Variants in PLK1 observed in about 807,000 individuals in gnomAD.
PLK1 encodes the protein serine/threonine-protein kinase PLK1.
PLK1 carries 6 observed loss-of-function variants against 56.7 expected under a neutral mutation model. That is an observed-to-expected ratio of 0.11 (90% CI 0.06 to 0.21). The LOEUF (loss-of-function observed/expected upper bound fraction) is 0.21. PLK1 is among the 10% of genes least tolerant of loss of function. The probability of loss-of-function intolerance (pLI) is 1.00; values close to 1 mark genes in which losing one functional copy is unlikely to be tolerated. For missense variants in PLK1, 546 were observed against 814.4 expected (o/e 0.67, Z 4.01); for synonymous variants, 298 against 325.0 (o/e 0.92, Z 0.89).
rs758245822 is a variant in PLK1, at chr16:23,689,447, G to C, written c.1426-47G>C. 1 of 1,600,758 alleles carries C rather than the reference G, an allele frequency of 6.2e-7. No individual in the cohort carries two copies. On this transcript the variant is annotated intron_variant, in intron 8 of 9. Transcript: ENST00000300093. This position sits in a 1 kb window ranked among gnomAD's most constrained non-coding sequence, Gnocchi z 4.8. ...TGTTGCAGAAGTGGGACCTGTGCTGGAGGATCAGACTCTAATTCTGGAACC... is the reference window on the plus strand; with the variant it reads ...TGTTGCAGAAGTGGGACCTGTGCTGCAGGATCAGACTCTAATTCTGGAACC...
In PLK1 at chr16:23,689,228, C is replaced by G. The variant is rs373543809; in HGVS notation, c.1271-10C>G. ...CCCCCTTTCTGAGACCTCTCTCCACCGATCCCTAGGGTATCAGCTCTGTGA... is the reference window on the plus strand; with the variant it reads ...CCCCCTTTCTGAGACCTCTCTCCACGGATCCCTAGGGTATCAGCTCTGTGA... On this transcript the variant is annotated splice_polypyrimidine_tract_variant and intron_variant, in intron 7 of 9. Coordinates refer to ENST00000300093, the MANE Select transcript of PLK1 (RefSeq NM_005030.6). The surrounding 1 kb of genome is among the most constrained non-coding windows in gnomAD (Gnocchi z 4.8). 10 of 1,599,702 alleles carry G rather than the reference C, an allele frequency of 6.3e-6. No individual in the cohort carries two copies. The East Asian group carries it at 2.2e-4, about 36-fold the overall frequency.
chr16:23,682,061 C>T lies in PLK1; in HGVS notation c.723-3C>T. 1.3e-6 allele frequency: 2 copies of T among 1,535,612 alleles called. No homozygotes were observed. Among genetic ancestry groups the T allele is most frequent in the Non-Finnish European group, 1.8e-6 (2 of 1,108,864 alleles). On this transcript the variant is annotated splice_region_variant and splice_polypyrimidine_tract_variant and intron_variant, in intron 3 of 9. Coordinates refer to ENST00000300093, the MANE Select transcript of PLK1 (RefSeq NM_005030.6). ...GGTGCCAAATCCTACCTTGTGCTTA[C>T]AGGTATACCTTGTTAGTGGGCAAAC...
rs1178070119 is a variant in PLK1 at position 23,683,872 on chromosome 16, C to T, written c.819C>T (p.His273=). Residue 273 remains histidine (H), a splice_region_variant and synonymous_variant, in exon 5 of 10, where the codon CAC becomes CAT. Transcript: ENST00000300093. ...GGCTGTCCCTCTCTCTGCCCCAGCA[C>T]ATCAACCCCGTGGCCGCCTCCCTCA... ...IKKNEYSIPK[H]INPVAASLIQ... is the part of the protein sequence containing the mutation. The T allele has an allele frequency of 1.9e-6, 3 of 1,613,308 alleles. No individual in the cohort carries two copies. Among genetic ancestry groups the T allele is most frequent in the Non-Finnish European group, 2.5e-6 (3 of 1,179,260 alleles).
chr16:23,679,398 C>T, intron 1 of PLK1, 58 bp downstream of exon 1: 2 of 1,499,148 alleles, frequency 1.3e-6, no homozygotes, highest in South Asian at 1.2e-5. Flanking sequence ...GCGCCCAGAC[C>T]TGGAGCTGCT....
rs897794862 is a variant in PLK1 at position 23,687,348 on chromosome 16, G to A, written c.1037-121G>A. On this transcript the variant is annotated intron_variant, in intron 5 of 9. Coordinates refer to ENST00000300093, the MANE Select transcript of PLK1 (RefSeq NM_005030.6). ...TGGCAGCTGCTGCTCTAGTAACCAG[G>A]CACTGATTCAGTTTCCCCAAAGCAG... The A allele has an allele frequency of 8.0e-6, 6 of 749,182 alleles. No individual in the cohort carries two copies. In the African/African-American group the frequency reaches 9.0e-5, roughly 11 times the overall value. 46.4% of individuals were successfully genotyped at this position (749,182 alleles called of 1,614,324 possible).
chr16:23,687,419 A>G (rs779159972), intron 5 of PLK1, 50 bp from the exon 6 acceptor site: 6 of 1,428,952 alleles, frequency 4.2e-6, no homozygotes, highest in Non-Finnish European at 5.6e-6. Context: ...CAGCTGTGGC[A>G]GGGGAGTCCC....
intron 5 of PLK1, 122 bp downstream of exon 5, chr16:23,684,211 T>G: frequency 2.8e-6 from 2 of 714,138 alleles, no homozygotes; most frequent in Non-Finnish European, 4.8e-6. Context: ...CCTCTGTCCT[T>G]CAATCCGTGG....
In PLK1 at chr16:23,679,300, A is replaced by G. The variant is rs1391027910; in HGVS notation, c.368A>G (p.Asn123Ser). 2.5e-6 allele frequency: 4 copies of G among 1,613,654 alleles called. No individual in the cohort carries two copies. The highest frequency in any genetic ancestry group is 4.5e-5 in the East Asian group (2 of 44,870). Residue 123 changes from asparagine (N) to serine (S), a missense_variant, in exon 1 of 10, where the codon AAC becomes AGC. Asn to Ser is a conservative substitution (Grantham distance 46). Coordinates refer to ENST00000300093, the MANE Select transcript of PLK1 (RefSeq NM_005030.6). ...VVGFHGFFED[N>S]DFVFVVLELC... ...GGATTCCACGGCTTTTTCGAGGACA[A>G]CGACTTCGTGTTCGTGGTGTTGGAG...
chr16:23,685,707 C>T (rs370221185), intron 5 of PLK1, among the ~76,000 whole-genome samples: 1 of 129,668 alleles, frequency 7.7e-6, no homozygotes, highest in East Asian at 2.2e-4. Context: ...GACTCTGTCT[C>T]AAAAAAAAAA....
rs112964547 is a variant in PLK1, at chr16:23,688,910, C to CTTT, written c.1270+174_1270+176dup. Among the ~76,000 whole-genome samples, 221 of 147,502 alleles carry CTTT rather than the reference C, an allele frequency of 1.5e-3. 1 individual carries two copies. The highest frequency in any genetic ancestry group is 4.7e-3 in the African/African-American group (190 of 40,270). On this transcript the variant is annotated intron_variant, in intron 7 of 9. Coordinates refer to ENST00000300093, the MANE Select transcript of PLK1 (RefSeq NM_005030.6). ...CTCCCAGTGCTCCCTGACTCCCCAG[C>CTTT]TTTTTTTTTTTCCAGAGACAGGGTC...
Position 23,687,621 on chromosome 16 carries a change from C to G in PLK1, c.1189C>G (p.Gln397Glu). Reference sequence around the variant, plus strand: ...GCCCTCGGAGCGTGGGCTGGTCAGGCAAGGTGGGTACTGCGGGGCCCTGGG... The same window carrying G: ...GCCCTCGGAGCGTGGGCTGGTCAGGGAAGGTGGGTACTGCGGGGCCCTGGG... ...SKPSERGLVR[Q>E]EEAEDPACIP... Residue 397 changes from glutamine (Q) to glutamate (E), a missense_variant, in exon 6 of 10, where the codon CAA (glutamine) becomes GAA (glutamate). Physicochemically the swap from Gln to Glu is conservative, Grantham distance 29. Coordinates refer to ENST00000300093, the MANE Select transcript of PLK1 (RefSeq NM_005030.6). 1 of 1,570,846 alleles carries G rather than the reference C, an allele frequency of 6.4e-7. No individual in the cohort carries two copies. The highest frequency in any genetic ancestry group is 8.7e-7 in the Non-Finnish European group (1 of 1,151,478).
intron 5 of PLK1, among the ~76,000 whole-genome samples, chr16:23,685,800 G>A (rs546283896): frequency 1.6e-4 from 24 of 150,658 alleles, no homozygotes; most frequent in South Asian, 6.4e-4. Context: ...GATCCTCCTC[G>A]GCCTCCCAAA....
chr16:23,680,714 G>T (rs1316997729), intron 2 of PLK1, among the ~76,000 whole-genome samples, 200 bp from the exon 3 acceptor site: 1 of 152,200 alleles, frequency 6.6e-6, no homozygotes, highest in Non-Finnish European at 1.5e-5. Flanking sequence ...AAAAGGAGGG[G>T]TGAGAAGTGT....
chr16:23,678,964 C>T lies in PLK1; in HGVS notation c.32C>T (p.Ala11Val). The T allele has an allele frequency of 6.3e-7, 1 of 1,579,372 alleles. No homozygotes were observed. Among genetic ancestry groups the T allele is most frequent in the Non-Finnish European group, 8.6e-7 (1 of 1,163,116 alleles). MSAAVTAGKL[A>V]RAPADPGKAG... ...GCTGCAGTGACTGCAGGGAAGCTGG[C>T]ACGGGCACCGGCCGACCCTGGGAAA... The change falls in exon 1 of 10, where the codon GCA (alanine) becomes GTA (valine). Residue 11 changes from alanine (A) to valine (V), a missense_variant. This residue lies in a region of PLK1 where 72 missense variants were observed against 63.7 expected (regional missense o/e 1.13). Coordinates refer to ENST00000300093, the MANE Select transcript of PLK1 (RefSeq NM_005030.6).
At chr16:23,679,885 G>T in intron 1 of PLK1, 199 bp from the exon 2 acceptor site, 1 of 554,044 alleles carries the variant, frequency 1.8e-6, no homozygotes, top group South Asian at 2.4e-5. Context: ...CAGTGTTAAG[G>T]CAGGGTCCAG....
In PLK1 at chr16:23,682,295, G is replaced by GA. The variant is rs1464159161; in HGVS notation, c.816+141dup. 5.1e-6 allele frequency: 3 copies of GA among 591,030 alleles called. No homozygotes were observed. In the African/African-American group the frequency reaches 5.6e-5, roughly 11 times the overall value. The allele number at this position is 591,030 out of a possible 1,614,324, so 36.6% of individuals were successfully genotyped here. A position where few individuals can be genotyped will look rare whatever the true frequency, so the allele number is the denominator to read the frequency against. On this transcript the variant is annotated intron_variant, in intron 4 of 9. Transcript: ENST00000300093. The stretch of plus-strand genomic sequence containing the variant: ...ACAGAGCTTGAGAGGGCCTGTGTCT[G>GA]AAATTGCATACAGAACTTGACATGT...
In PLK1 at chr16:23,678,902, G is replaced by T; in HGVS notation, c.-31G>T. On this transcript the variant is annotated 5_prime_UTR_variant, in exon 1 of 10. Transcript: ENST00000300093. ...GCGGAGCGGTGCGGAGGCTCTGCTC[G>T]GATCGAGGTCTGCAGCGCAGCTTCG... 1 of 1,464,662 alleles carries T rather than the reference G, an allele frequency of 6.8e-7. No homozygotes were observed. The highest frequency in any genetic ancestry group is 9.0e-7 in the Non-Finnish European group (1 of 1,106,864). 90.7% of individuals were successfully genotyped at this position (1,464,662 alleles called of 1,614,324 possible).
rs1959516185 is a variant in PLK1 at position 23,689,970 on chromosome 16, C to T, written c.1719C>T (p.Cys573=). 4 of 1,613,704 alleles carry T rather than the reference C, an allele frequency of 2.5e-6. No homozygotes were observed. Among genetic ancestry groups the T allele is most frequent in the Middle Eastern group, 1.6e-4 (1 of 6,084 alleles). ...RLSLLEEYGC[C]KELASRLRYA... ...GTCTCCTGGAGGAGTACGGCTGCTG[C>T]AAGGAGCTGGCCAGCCGGCTCCGCT... is the stretch of plus-strand genomic sequence containing the variant. The change falls in exon 10 of 10, where the codon TGC becomes TGT. Residue 573 remains cysteine, a synonymous_variant. Coordinates refer to ENST00000300093, the MANE Select transcript of PLK1 (RefSeq NM_005030.6). The surrounding 1 kb of genome is among the most constrained non-coding windows in gnomAD (Gnocchi z 4.8).
At chr16:23,682,182 C>T in intron 4 of PLK1, 25 bp downstream of exon 4, 4 of 1,290,340 alleles carry the variant, frequency 3.1e-6, no homozygotes, top group Non-Finnish European at 4.5e-6. Context: ...TTTAAGTTTA[C>T]ATTTATTTTG....
Sources: gnomAD v4.1 joint callset for allele counts (sites outside exome capture counted in the v4.1 genomes callset) on GRCh38, gnomAD v4.1.1 for gene constraint, gnomAD v4.1.1 regional missense constraint, Gnocchi (gnomAD v3.1) non-coding constraint, MANE v1.5 for transcripts, NCBI Gene and HGNC (gene_info 2026-07-23, HGNC 2026-07-21) for gene names.